The following TVP23B variants were observed in gnomAD, a reference collection of about 807,000 sequenced individuals.
TVP23B encodes trans-golgi network vesicle protein 23 homolog B, also known as Golgi apparatus membrane protein TVP23 homolog B.
In TVP23B, 10 loss-of-function variants were observed where a neutral mutation model predicts 30.6. The ratio of observed to expected loss-of-function variants is 0.33; its 90% CI spans 0.20 to 0.55. The LOEUF (loss-of-function observed/expected upper bound fraction) is 0.55, where lower values mean the gene tolerates loss of function less well. Among genes scored for constraint, TVP23B ranks in the 20% least tolerant of loss-of-function variants. TVP23B has a pLI of 0.91. For synonymous variants in TVP23B, 67 were observed against 83.1 expected, an observed-to-expected ratio of 0.81 and a Z score of 1.06; for missense variants, 153 against 243.2, an observed-to-expected ratio of 0.63 and a Z score of 2.47.
In TVP23B at chr17:18,804,156, G is replaced by T; in HGVS notation, c.481G>T (p.Val161Leu). The T allele has an allele frequency of 6.2e-7, 1 of 1,613,908 alleles. No homozygotes were observed. Among genetic ancestry groups the T allele is most frequent in the Non-Finnish European group, 8.5e-7 (1 of 1,179,842 alleles). ...VKWLAVVIMG[V>L]VLQGANLYGY... ...GTCCCAGGCGGTGGTTATCATGGGT[G>T]TGGTGCTACAAGGTGCCAACCTGTA... The change falls in exon 6 of 7, where the codon GTG (valine) becomes TTG (leucine). Residue 161 changes from valine (V) to leucine (L), a missense_variant. Physicochemically the swap from Val to Leu is conservative, Grantham distance 32 (BLOSUM62 1). This residue lies in a region of TVP23B where 62 missense variants were observed against 74.3 expected (regional missense o/e 0.83). Coordinates refer to ENST00000307767, the MANE Select transcript of TVP23B (RefSeq NM_016078.6).
chr17:18,794,945 C>T (rs1454476566), intron 3 of TVP23B, among the ~76,000 whole-genome samples: 1 of 150,704 alleles, frequency 6.6e-6, no homozygotes, highest in Non-Finnish European at 1.5e-5. Flanking sequence ...TCAGGTTTGT[C>T]CTCACAACTC....
At chr17:18,799,209 A>G (rs1308157480) in intron 5 of TVP23B, 1 of 85,080 alleles carries the variant, frequency 1.2e-5, no homozygotes, top group Non-Finnish European at 2.4e-5. Context: ...CTGCCTAACA[A>G]ATCACTCCAA....
chr17:18,785,107 G>A (rs1353202106), intron 1 of TVP23B, among the ~76,000 whole-genome samples: 8 of 152,022 alleles, frequency 5.3e-5, no homozygotes, highest in East Asian at 3.9e-4. Flanking sequence ...GTCTCCTAGC[G>A]TTGTGCTTTT....
intron 6 of TVP23B, 166 bp downstream of exon 6, chr17:18,804,432 G>A: frequency 7.7e-7 from 1 of 1,305,806 alleles, no homozygotes; most frequent in South Asian, 1.9e-5. Flanking sequence ...AGACAGTCTG[G>A]AAGTGTATTG....
At chr17:18,793,017 C>G (rs1376379383) in intron 3 of TVP23B, among the ~76,000 whole-genome samples, 1 of 152,096 alleles carries the variant, frequency 6.6e-6, no homozygotes, top group South Asian at 2.1e-4. Context: ...ATAAAATACA[C>G]TAACATTAGC....
chr17:18,804,595 T>G (rs922259182), intron 6 of TVP23B: 94 of 1,198,574 alleles, frequency 7.8e-5, no homozygotes, highest in South Asian at 1.1e-4. Context: ...TATGTTTTTT[T>G]TTTTTTTTTT....
In TVP23B at chr17:18,806,435, A is replaced by G; in HGVS notation, c.*868A>G. On this transcript the variant is annotated 3_prime_UTR_variant, in exon 7 of 7. Transcript: ENST00000307767. ...ATTTTTTTCTTGCTATAATGGGGAT[A>G]TTGTAAATTATGCATTTGTATTAAT... 1 of 351,634 alleles carries G rather than the reference A, an allele frequency of 2.8e-6. No homozygotes were observed. The highest frequency in any genetic ancestry group is 4.0e-6 in the Non-Finnish European group (1 of 252,660). The allele number at this position is 351,634 out of a possible 1,614,324, so 21.8% of individuals were successfully genotyped here. A position where few individuals can be genotyped will look rare whatever the true frequency, so the allele number is the denominator to read the frequency against.
chr17:18,798,835 T>G lies in TVP23B; in HGVS notation c.354T>G (p.Thr118=). ...SRKESSQENK[T]VSEAESRIFW... is the part of the protein sequence containing the mutation. Reference sequence around the variant, plus strand: ...AGGAGTCCTCTCAAGAGAATAAAACTGTGTCAGAGGCTGAATCAAGAATCT... The same window carrying G: ...AGGAGTCCTCTCAAGAGAATAAAACGGTGTCAGAGGCTGAATCAAGAATCT... The change falls in exon 5 of 7, where the codon ACT becomes ACG. Residue 118 remains threonine (T), a synonymous_variant. Transcript: ENST00000307767. 8.7e-6 allele frequency: 14 copies of G among 1,613,610 alleles called. No individual in the cohort carries two copies. Among genetic ancestry groups the G allele is most frequent in the Non-Finnish European group, 1.0e-5 (12 of 1,179,728 alleles).
At chr17:18,793,904 AG>A (rs1433236885) in intron 3 of TVP23B, among the ~76,000 whole-genome samples, 1 of 152,206 alleles carries the variant, frequency 6.6e-6, no homozygotes, top group African/African-American at 2.4e-5. Flanking sequence ...AAAAAATAAA[AG>A]AAGGCAAAGA....
intron 1 of TVP23B, among the ~76,000 whole-genome samples, chr17:18,783,336 C>T (rs1256891794): frequency 6.6e-6 from 1 of 152,098 alleles, no homozygotes; most frequent in African/African-American, 2.4e-5. Flanking sequence ...GAGCTCCTGA[C>T]CTCAGGTGAT....
chr17:18,784,152 A>ACAAACAAACAAG (rs2035863853), intron 1 of TVP23B, among the ~76,000 whole-genome samples: 1 of 151,474 alleles, frequency 6.6e-6, no homozygotes, highest in African/African-American at 2.4e-5. Flanking sequence ...CTCAAAACAA[A>ACAAACAAACAAG]CAAACAAACA....
At chr17:18,793,683 TA>T (rs2036033156) in intron 3 of TVP23B, among the ~76,000 whole-genome samples, 1 of 150,020 alleles carries the variant, frequency 6.7e-6, no homozygotes, top group African/African-American at 2.4e-5. Flanking sequence ...ATGGAGCAAG[TA>T]AAACAGTTCA....
chr17:18,789,486 T>C (rs749094760), intron 2 of TVP23B, 51 bp downstream of exon 2: 2 of 1,611,686 alleles, frequency 1.2e-6, no homozygotes, highest in Admixed American at 3.3e-5. Flanking sequence ...TGCTGTTCTG[T>C]ATGTATGTCA....
chr17:18,800,190 G>T (rs553703774), intron 5 of TVP23B, among the ~76,000 whole-genome samples: 1 of 151,554 alleles, frequency 6.6e-6, no homozygotes, highest in African/African-American at 2.4e-5. Flanking sequence ...ACTTAAACCT[G>T]TTTATTGACT....
chr17:18,800,619 T>G (rs1308714023), intron 5 of TVP23B, among the ~76,000 whole-genome samples: 1 of 152,074 alleles, frequency 6.6e-6, no homozygotes, highest in Non-Finnish European at 1.5e-5. Flanking sequence ...CTTTGTAATC[T>G]CTCCTCATAA....
In TVP23B at chr17:18,792,501, A is replaced by T. The variant is rs1386484120; in HGVS notation, c.240+1461A>T. Among the ~76,000 whole-genome samples the T allele has an allele frequency of 7.2e-5, 11 of 152,164 alleles. No homozygotes were observed. In the East Asian group the frequency reaches 2.1e-3, roughly 29 times the overall value. ...TTCTTTGAATTTCTTCTGTTACTTT[A>T]TGCTCCAAAGTATTTAGTACATACT... On this transcript the variant is annotated intron_variant, in intron 3 of 6. Transcript: ENST00000307767.
intron 3 of TVP23B, among the ~76,000 whole-genome samples, chr17:18,791,291 A>G (rs2035991552): frequency 1.6e-5 from 2 of 129,002 alleles, no homozygotes; most frequent in South Asian, 5.0e-4. Flanking sequence ...ATTCTAACCT[A>G]CATCAGCTTT....
At chr17:18,791,394 G>C (rs1184645776) in intron 3 of TVP23B, among the ~76,000 whole-genome samples, 1 of 142,764 alleles carries the variant, frequency 7.0e-6, no homozygotes, top group Non-Finnish European at 1.5e-5. Flanking sequence ...AGGCTTACCT[G>C]TAGGTGTGTT....
intron 3 of TVP23B, chr17:18,795,704 T>C (rs2036066605): frequency 6.6e-6 from 1 of 152,246 alleles, no homozygotes; most frequent in Admixed American, 6.5e-5. Context: ...ATATGTGTAG[T>C]AGTTCCCCCA....
Sources: allele counts gnomAD v4.1 joint callset (sites outside exome capture counted in the v4.1 genomes callset), GRCh38; gene constraint gnomAD v4.1.1; regional missense constraint gnomAD v4.1.1; transcripts MANE v1.5; gene names NCBI Gene and HGNC (gene_info 2026-07-23, HGNC 2026-07-21).